IL1RAPL2: variants seen among roughly 807,000 people sequenced by gnomAD.
IL1RAPL2 encodes interleukin 1 receptor accessory protein like 2.
In IL1RAPL2, 3 loss-of-function variants were observed where a neutral mutation model predicts 44.1. The observed-to-expected ratio is 0.07, with a 90% CI of 0.03 to 0.18. The LOEUF (loss-of-function observed/expected upper bound fraction) is 0.18, where lower values mean the gene tolerates loss of function less well. Among genes scored for constraint, IL1RAPL2 ranks in the 10% least tolerant of loss-of-function variants. The probability of loss-of-function intolerance (pLI) is 1.00; values close to 1 mark genes in which losing one functional copy is unlikely to be tolerated. For missense variants in IL1RAPL2, 391 were observed against 496.4 expected (o/e 0.79, Z 2.02); for synonymous variants, 181 against 178.8 (o/e 1.01, Z -0.10).
chrX:105,251,180 A>T (rs578056067), intron 4 of IL1RAPL2, among the ~76,000 whole-genome samples: 108 of 110,854 alleles, frequency 9.7e-4, no homozygotes, highest in Non-Finnish European at 1.6e-3. Context: ...TTTAAAGAAA[A>T]GAGCTTTACA....
intron 5 of IL1RAPL2, among the ~76,000 whole-genome samples, chrX:105,278,713 AAC>A (rs1328583843): frequency 8.9e-6 from 1 of 112,322 alleles, no homozygotes; most frequent in African/African-American, 3.2e-5. Flanking sequence ...GGAAGAAATG[AAC>A]AGTCAGAGAA....
intron 6 of IL1RAPL2, among the ~76,000 whole-genome samples, chrX:105,713,542 C>T (rs1409583191): frequency 9.0e-6 from 1 of 111,505 alleles, no homozygotes; most frequent in Non-Finnish European, 1.9e-5. Flanking sequence ...ATCCAATCAT[C>T]CCCCACCAGG....
chrX:105,444,313 T>C (rs889114244), intron 5 of IL1RAPL2, among the ~76,000 whole-genome samples: 4 of 111,601 alleles, frequency 3.6e-5, no homozygotes, highest in Non-Finnish European at 7.5e-5. Flanking sequence ...CTTGTTGATT[T>C]TTTCCTTTGC....
chrX:105,523,841 A>G (rs190875672), intron 6 of IL1RAPL2, among the ~76,000 whole-genome samples: 1 of 111,295 alleles, frequency 9.0e-6, no homozygotes, highest in East Asian at 2.8e-4. Context: ...TATGTAATGC[A>G]TAAGTCTCTT....
chrX:104,753,166 T>A (rs1932289581), intron 2 of IL1RAPL2, among the ~76,000 whole-genome samples: 1 of 107,012 alleles, frequency 9.3e-6, no homozygotes. Context: ...GCCCCCATTC[T>A]CCAGTCCTAG....
chrX:105,215,167 C>A (rs2033844304), intron 3 of IL1RAPL2, among the ~76,000 whole-genome samples: 1 of 111,927 alleles, frequency 8.9e-6, no homozygotes, highest in Non-Finnish European at 1.9e-5. Context: ...ATCAATGAAT[C>A]CAGGAGCTGA....
At chrX:105,190,079 C>T (rs1027914970) in intron 2 of IL1RAPL2, among the ~76,000 whole-genome samples, 1 of 111,907 alleles carries the variant, frequency 8.9e-6, no homozygotes, top group Admixed American at 9.5e-5. Flanking sequence ...ACAAGAGTCC[C>T]TCCCTCCCAA....
intron 2 of IL1RAPL2, among the ~76,000 whole-genome samples, chrX:104,908,857 C>T (rs919001939): frequency 1.8e-5 from 2 of 110,894 alleles, no homozygotes; most frequent in Non-Finnish European, 3.8e-5. Context: ...GCCTGCCTTG[C>T]TAGATTGGGG....
rs956778975 is a variant in IL1RAPL2 at position 105,078,144 on chromosome X, T to A, written c.83-117331T>A. Among the ~76,000 whole-genome samples, 5 of 111,665 alleles carry A rather than the reference T, an allele frequency of 4.5e-5. No homozygotes were observed. In the Admixed American group the frequency reaches 4.8e-4, roughly 11 times the overall value. On this transcript the variant is annotated intron_variant, in intron 2 of 10. Coordinates refer to ENST00000372582, the MANE Select transcript of IL1RAPL2 (RefSeq NM_017416.2). ...GAGTTTCCAGTTTTTCTGCTCTGTT[T>A]TTTCCCCATCTTTGTGGCTTTATCT... is the stretch of plus-strand genomic sequence containing the variant.
chrX:104,899,851 T>C (rs180911834), intron 2 of IL1RAPL2, among the ~76,000 whole-genome samples: 1 of 112,101 alleles, frequency 8.9e-6, no homozygotes, highest in East Asian at 2.8e-4. Context: ...CCTAAATTAA[T>C]CTATCATCTA....
At chrX:105,387,257 C>T (rs1411045229) in intron 5 of IL1RAPL2, among the ~76,000 whole-genome samples, 2 of 91,734 alleles carry the variant, frequency 2.2e-5, no homozygotes, top group African/African-American at 4.2e-5. Flanking sequence ...TTTTTTGAGA[C>T]GGAGTCTTAC....
At chrX:105,600,015 A>G (rs1237589336) in intron 6 of IL1RAPL2, among the ~76,000 whole-genome samples, 4 of 111,239 alleles carry the variant, frequency 3.6e-5, no homozygotes, top group Non-Finnish European at 7.6e-5. Flanking sequence ...TTATATGCAT[A>G]GGTATATATG....
chrX:105,493,573 A>G (rs1489692942), intron 6 of IL1RAPL2, among the ~76,000 whole-genome samples: 1 of 111,771 alleles, frequency 8.9e-6, no homozygotes, highest in African/African-American at 3.3e-5. Context: ...GTCTTTGGAA[A>G]AATGTCTATG....
intron 2 of IL1RAPL2, among the ~76,000 whole-genome samples, chrX:104,967,839 A>G (rs1158243633): frequency 9.0e-6 from 1 of 111,329 alleles, no homozygotes; most frequent in Non-Finnish European, 1.9e-5. Context: ...ACTTCCCTAG[A>G]CAAACTACAG....
At chrX:105,675,190 A>G (rs1316405855) in intron 6 of IL1RAPL2, among the ~76,000 whole-genome samples, 1 of 111,339 alleles carries the variant, frequency 9.0e-6, no homozygotes, top group African/African-American at 3.3e-5. Context: ...AGAACTTACA[A>G]TACTATGTTG....
At chrX:105,011,770 G>A (rs2031052184) in intron 2 of IL1RAPL2, among the ~76,000 whole-genome samples, 1 of 110,667 alleles carries the variant, frequency 9.0e-6, no homozygotes, top group Non-Finnish European at 1.9e-5. Flanking sequence ...ATGAACATTT[G>A]TGTGCTAGTC....
At chrX:105,537,329 CG>C (rs1569451691) in intron 6 of IL1RAPL2, among the ~76,000 whole-genome samples, 1 of 111,292 alleles carries the variant, frequency 9.0e-6, no homozygotes, top group African/African-American at 3.3e-5. Flanking sequence ...TAATGGGGAA[CG>C]TTGACCTATA....
intron 2 of IL1RAPL2, among the ~76,000 whole-genome samples, chrX:105,181,241 T>C (rs948711083): frequency 1.4e-4 from 16 of 112,238 alleles, no homozygotes; most frequent in African/African-American, 5.2e-4. Flanking sequence ...TAGTGGTTTA[T>C]CAATTTTGTT....
intron 6 of IL1RAPL2, among the ~76,000 whole-genome samples, chrX:105,698,906 C>T (rs1437945558): frequency 1.8e-5 from 2 of 111,469 alleles, no homozygotes; most frequent in Non-Finnish European, 3.8e-5. Flanking sequence ...ATCAACCATG[C>T]TAGAGGAACT....
Sources: allele counts gnomAD v4.1 joint callset (sites outside exome capture counted in the v4.1 genomes callset), GRCh38; gene constraint gnomAD v4.1.1; transcripts MANE v1.5; gene names NCBI Gene and HGNC (gene_info 2026-07-23, HGNC 2026-07-21).